The following FRAS1 variants were observed in gnomAD, a reference collection of about 807,000 sequenced individuals.
FRAS1 encodes extracellular matrix organizing protein FRAS1.
A neutral mutation model predicts 435.2 loss-of-function variants in FRAS1; 290 were observed. The observed-to-expected ratio is 0.67, with a 90% confidence interval of 0.61 to 0.73. FRAS1 has a LOEUF of 0.73. FRAS1 is among the 30% of genes least tolerant of loss of function. The pLI is 0.00. For synonymous variants in FRAS1, 1,800 were observed against 1,851.0 expected (o/e 0.97, Z 0.71); for missense variants, 4,860 against 5,001.5 (o/e 0.97, Z 0.85).
chr4:78,366,407 AGTT>A lies in FRAS1; in HGVS notation c.2722+2357_2722+2359del, dbSNP rs1282862821. Among the ~76,000 whole-genome samples, 105 of 152,278 alleles carry A rather than the reference AGTT, an allele frequency of 6.9e-4. 1 individual carries two copies. The Middle Eastern group carries it at 0.027, about 39-fold the overall frequency. On this transcript the variant is annotated intron_variant, in intron 22 of 73. Coordinates refer to ENST00000512123, the MANE Select transcript of FRAS1 (RefSeq NM_025074.7). Reference sequence around the variant, plus strand: ...TGCTGGGGAGCTAGAGTAGTTGGAAAGTTGTTTTTAATTGGCCCTAGAACTTGC... The same window carrying A: ...TGCTGGGGAGCTAGAGTAGTTGGAAAGTTTTTAATTGGCCCTAGAACTTGC...
chr4:78,309,945 C>A (rs370490003), intron 15 of FRAS1, among the ~76,000 whole-genome samples: 27 of 152,110 alleles, frequency 1.8e-4, no homozygotes, highest in African/African-American at 6.5e-4. Context: ...GTTCACTGAG[C>A]AGGGCAACAG....
At chr4:78,173,526 C>CCCCATTCCCAGT (rs1289429399) in intron 2 of FRAS1, among the ~76,000 whole-genome samples, 1 of 152,206 alleles carries the variant, frequency 6.6e-6, no homozygotes, top group Non-Finnish European at 1.5e-5. Flanking sequence ...TGGGAAGCTC[C>CCCCATTCCCAGT]CCCATTCCCA....
Position 78,268,875 on chromosome 4 carries a change from C to T in FRAS1, c.981+1443C>T, listed in dbSNP as rs537588030. ...CAGTATTCAAGTCACCCCATAACAC[C>T]GTCTCATTCCTTTCTAGTTACTTCC... On this transcript the variant is annotated intron_variant, in intron 9 of 73. Transcript: ENST00000512123. Among the ~76,000 whole-genome samples, 5 of 152,312 alleles carry T rather than the reference C, an allele frequency of 3.3e-5. No homozygotes were observed. The East Asian group carries it at 5.8e-4, about 18-fold the overall frequency.
chr4:78,304,622 AT>A (rs1306931043), intron 14 of FRAS1, among the ~76,000 whole-genome samples: 1 of 151,648 alleles, frequency 6.6e-6, no homozygotes, highest in Non-Finnish European at 1.5e-5. Flanking sequence ...GAATTTACCC[AT>A]TTCTTCTAGA....
At chr4:78,072,128 C>T (rs1209831619) in intron 2 of FRAS1, 1 of 151,780 alleles carries the variant, frequency 6.6e-6, no homozygotes, top group African/African-American at 2.4e-5. Flanking sequence ...GTACATATTC[C>T]ATTAAAAATT....
chr4:78,058,710 T>C (rs2109836250), intron 1 of FRAS1, among the ~76,000 whole-genome samples: 1 of 152,284 alleles, frequency 6.6e-6, no homozygotes, highest in African/African-American at 2.4e-5. Context: ...TTCATTCTTT[T>C]ACTTCACCCT....
chr4:78,449,405 G>A (rs1718950258), intron 44 of FRAS1, among the ~76,000 whole-genome samples: 1 of 152,160 alleles, frequency 6.6e-6, no homozygotes, highest in South Asian at 2.1e-4. Flanking sequence ...AACGGCCTGG[G>A]TAAAGCATGG....
chr4:78,332,976 T>C (rs1326602942), intron 18 of FRAS1, among the ~76,000 whole-genome samples: 1 of 152,234 alleles, frequency 6.6e-6, no homozygotes, highest in East Asian at 1.9e-4. Flanking sequence ...CTTCCTGTTT[T>C]TTATTTGACA....
chr4:78,321,350 C>T (rs1729495310), intron 18 of FRAS1, among the ~76,000 whole-genome samples: 1 of 152,128 alleles, frequency 6.6e-6, no homozygotes, highest in African/African-American at 2.4e-5. Context: ...GTCCAGTATC[C>T]AGTATCCGTG....
intron 2 of FRAS1, among the ~76,000 whole-genome samples, chr4:78,096,950 G>T (rs765786798): frequency 1.3e-5 from 2 of 152,112 alleles, no homozygotes; most frequent in African/African-American, 4.8e-5. Context: ...CTTTTCTATC[G>T]CATTGTCAGG....
At chr4:78,169,126 C>G (rs1441563333) in intron 2 of FRAS1, among the ~76,000 whole-genome samples, 1 of 152,080 alleles carries the variant, frequency 6.6e-6, no homozygotes, top group African/African-American at 2.4e-5. Flanking sequence ...TCCTTGAGTA[C>G]AATTGACTTG....
intron 6 of FRAS1, among the ~76,000 whole-genome samples, chr4:78,259,352 C>A (rs62309993): frequency 0.48 from 51,219 of 106,934 alleles, 12,970 homozygotes; most frequent in Non-Finnish European, 0.61. Context: ...ATTTCTCCAC[C>A]TCCTCTCCAG....
rs1461180197 is a variant in FRAS1 at position 78,161,666 on chromosome 4, C to T, written c.109-75844C>T. ...TGTTGGGCATGCCTGCATCTTCTGT[C>T]AGCAGCAAGGGTGTAATACTGTGCT... On this transcript the variant is annotated intron_variant, in intron 2 of 73. Coordinates refer to ENST00000512123, the MANE Select transcript of FRAS1 (RefSeq NM_025074.7). 5.0e-5 allele frequency among the ~76,000 whole-genome samples: 7 copies of T among 139,242 alleles called. No individual in the cohort carries two copies. In the South Asian group the frequency reaches 1.2e-3, roughly 23 times the overall value. 91.3% of individuals were successfully genotyped at this position (139,242 alleles called of 152,430 possible).
chr4:78,300,622 T>C (rs1201483225), intron 14 of FRAS1, among the ~76,000 whole-genome samples: 2 of 152,112 alleles, frequency 1.3e-5, no homozygotes, highest in Admixed American at 6.5e-5. Context: ...ATTTGAAACA[T>C]GTCAATCAGA....
chr4:78,152,337 C>T (rs1720701094), intron 2 of FRAS1, among the ~76,000 whole-genome samples: 1 of 152,060 alleles, frequency 6.6e-6, no homozygotes, highest in Non-Finnish European at 1.5e-5. Context: ...AGGTAGGAGA[C>T]TGAGTGGCTT....
intron 20 of FRAS1, among the ~76,000 whole-genome samples, chr4:78,359,861 A>T (rs76518634): frequency 6.6e-6 from 1 of 151,966 alleles, no homozygotes. Flanking sequence ...CTGGGCACTC[A>T]CTCCATCATG....
intron 73 of FRAS1, 64 bp downstream of exon 73, chr4:78,539,504 A>G (rs1721985357): frequency 7.2e-7 from 1 of 1,391,764 alleles, no homozygotes; most frequent in African/African-American, 1.5e-5. Flanking sequence ...AAAAAAAAAA[A>G]AAAAAGAAGG....
chr4:78,418,703 CA>C (rs1166289256), intron 32 of FRAS1, among the ~76,000 whole-genome samples: 1 of 152,104 alleles, frequency 6.6e-6, no homozygotes, highest in Non-Finnish European at 1.5e-5. Flanking sequence ...ACCCTGCGGG[CA>C]GTTGGGGGAG....
intron 18 of FRAS1, among the ~76,000 whole-genome samples, chr4:78,328,953 C>G (rs529149981): frequency 2.0e-5 from 3 of 152,192 alleles, no homozygotes; most frequent in East Asian, 3.8e-4. Flanking sequence ...CACCAGGCCT[C>G]GTATGATACT....
Sources: gnomAD v4.1 joint callset for allele counts (sites outside exome capture counted in the v4.1 genomes callset) on GRCh38, gnomAD v4.1.1 for gene constraint, MANE v1.5 for transcripts, NCBI Gene and HGNC (gene_info 2026-07-23, HGNC 2026-07-21) for gene names.